FER: variants seen among roughly 807,000 people sequenced by gnomAD.
The protein encoded by FER is FER tyrosine kinase.
Under a neutral mutation model 111.0 loss-of-function variants are expected in FER, and 63 were observed. That is an observed-to-expected ratio of 0.57 (90% CI 0.46 to 0.70). The LOEUF is 0.70. FER is among the 30% of genes least tolerant of loss of function. FER has a pLI of 0.00. For synonymous variants in FER, 327 were observed against 313.9 expected (o/e 1.04, Z -0.44); for missense variants, 914 against 954.0 (o/e 0.96, Z 0.55).
rs143786447 is a variant in FER, at chr5:109,173,756, TCCC to T, written c.2049-6982_2049-6980del. Among the ~76,000 whole-genome samples, 286 of 122,014 alleles carry T rather than the reference TCCC, an allele frequency of 2.3e-3. 2 individuals carry two copies. The highest frequency in any genetic ancestry group is 6.8e-3 in the African/African-American group (234 of 34,496). 80.0% of individuals were successfully genotyped at this position (122,014 alleles called of 152,430 possible). A position where few individuals can be genotyped will look rare whatever the true frequency, so the allele number is the denominator to read the frequency against. ...ATGAGTAAGTGGTATAATATGTACC[TCCC>T]CCCCCCCCACAAGTAACATACATGC... On this transcript the variant is annotated intron_variant, in intron 17 of 19. Transcript: ENST00000281092.
At chr5:108,844,082 A>G (rs185413197) in intron 5 of FER, among the ~76,000 whole-genome samples, 1 of 142,826 alleles carries the variant, frequency 7.0e-6, no homozygotes, top group Non-Finnish European at 1.5e-5. Flanking sequence ...GTGAACATAT[A>G]TGCGTGTGAA....
At chr5:108,889,376 A>G (rs1053956416) in intron 9 of FER, among the ~76,000 whole-genome samples, 3 of 152,042 alleles carry the variant, frequency 2.0e-5, no homozygotes, top group African/African-American at 7.2e-5. Flanking sequence ...CATTAAAAAA[A>G]GAATGAGATC....
intron 5 of FER, among the ~76,000 whole-genome samples, chr5:108,843,347 TA>T (rs1358608889): frequency 6.6e-6 from 1 of 152,224 alleles, no homozygotes; most frequent in Non-Finnish European, 1.5e-5. Context: ...TTGGGGCAAC[TA>T]TTTCAATATC....
chr5:108,844,990 GTGTGTGTATATATATATATATATA>G (rs1761737374), intron 5 of FER, among the ~76,000 whole-genome samples: 8 of 41,796 alleles, frequency 1.9e-4, no homozygotes, highest in Admixed American at 7.9e-4. Context: ...GCTGGTGTGT[GTGTGTGTATATATATATATATATA>G]TATATATATA....
intron 17 of FER, among the ~76,000 whole-genome samples, chr5:109,103,392 G>A (rs1183133945): frequency 1.3e-5 from 2 of 151,934 alleles, no homozygotes; most frequent in Non-Finnish European, 2.9e-5. Flanking sequence ...CTTTAGCTTT[G>A]TTTTATTGTT....
At chr5:108,758,436 A>G (rs549962021) in intron 1 of FER, among the ~76,000 whole-genome samples, 4 of 152,350 alleles carry the variant, frequency 2.6e-5, no homozygotes, top group African/African-American at 9.6e-5. Flanking sequence ...CTTCAGTTGC[A>G]TGAGACCAAA....
At chr5:108,988,837 G>A (rs906860922) in intron 13 of FER, among the ~76,000 whole-genome samples, 10 of 151,954 alleles carry the variant, frequency 6.6e-5, no homozygotes, top group Admixed American at 6.6e-4. Context: ...CTTGTGATAG[G>A]TTTGGGTTTG....
intron 3 of FER, among the ~76,000 whole-genome samples, chr5:108,809,156 C>CAAAA (rs1056841790): frequency 2.0e-5 from 3 of 152,126 alleles, no homozygotes; most frequent in African/African-American, 7.2e-5. Flanking sequence ...ATTAGGGAAA[C>CAAAA]TTTTTTTGTA....
intron 5 of FER, among the ~76,000 whole-genome samples, chr5:108,847,701 A>G (rs962205798): frequency 2.6e-5 from 4 of 152,116 alleles, no homozygotes; most frequent in African/African-American, 9.7e-5. Flanking sequence ...TTGGTATGTA[A>G]GCATTTATGA....
At chr5:109,011,493 T>G (rs1766262716) in intron 13 of FER, among the ~76,000 whole-genome samples, 1 of 152,202 alleles carries the variant, frequency 6.6e-6, no homozygotes, top group East Asian at 1.9e-4. Context: ...AAATTATCCC[T>G]TTGTTGTTAT....
chr5:108,811,793 T>C (rs1938105432), intron 3 of FER, among the ~76,000 whole-genome samples: 1 of 152,156 alleles, frequency 6.6e-6, no homozygotes, highest in Non-Finnish European at 1.5e-5. Flanking sequence ...CCCAAAAACC[T>C]AGAGTTCTGA....
intron 2 of FER, among the ~76,000 whole-genome samples, chr5:108,791,165 G>T (rs144337820): frequency 0.013 from 2,045 of 152,242 alleles, 20 homozygotes; most frequent in Middle Eastern, 0.041. Context: ...ATATACCTGG[G>T]AGGTGAATTT....
intron 5 of FER, among the ~76,000 whole-genome samples, chr5:108,862,969 T>C (rs949493499): frequency 1.3e-5 from 2 of 152,172 alleles, no homozygotes; most frequent in African/African-American, 2.4e-5. Context: ...AGCCAAAATA[T>C]TGGTTCCTAT....
chr5:108,883,102 C>A (rs1169869711), intron 8 of FER, among the ~76,000 whole-genome samples: 1 of 151,924 alleles, frequency 6.6e-6, no homozygotes, highest in Non-Finnish European at 1.5e-5. Context: ...TTACCTACTT[C>A]TCTTTTTCTT....
At chr5:109,084,707 C>T (rs1777363140) in intron 16 of FER, among the ~76,000 whole-genome samples, 1 of 151,772 alleles carries the variant, frequency 6.6e-6, no homozygotes, top group African/African-American at 2.4e-5. Flanking sequence ...AATATATTTT[C>T]TTGTGTTTTC....
At chr5:109,026,267 T>C (rs1412572528) in intron 13 of FER, among the ~76,000 whole-genome samples, 2 of 152,206 alleles carry the variant, frequency 1.3e-5, no homozygotes, top group East Asian at 1.9e-4. Flanking sequence ...AAATATTTTC[T>C]AAGGTAATAA....
At chr5:108,764,970 C>T (rs140093883) in intron 1 of FER, among the ~76,000 whole-genome samples, 113 of 152,140 alleles carry the variant, frequency 7.4e-4, no homozygotes, top group African/African-American at 2.6e-3. Context: ...AATTTTGCGC[C>T]CCAGGTATTT....
At chr5:108,944,318 A>T (rs1756686497) in intron 10 of FER, among the ~76,000 whole-genome samples, 1 of 152,140 alleles carries the variant, frequency 6.6e-6, no homozygotes, top group African/African-American at 2.4e-5. Flanking sequence ...ATTATTTAAT[A>T]ACATTGCTTC....
chr5:108,776,801 C>CAAATTA (rs1298739554), intron 2 of FER, among the ~76,000 whole-genome samples: 1 of 151,968 alleles, frequency 6.6e-6, no homozygotes, highest in Non-Finnish European at 1.5e-5. Context: ...TCCTAAATAC[C>CAAATTA]AAATTAAATA....
Sources: allele counts gnomAD v4.1 joint callset (sites outside exome capture counted in the v4.1 genomes callset), GRCh38; gene constraint gnomAD v4.1.1; transcripts MANE v1.5; gene names NCBI Gene and HGNC (gene_info 2026-07-23, HGNC 2026-07-21).